The following SLCO1B3 variants were observed in gnomAD, a reference collection of about 807,000 sequenced individuals.
SLCO1B3 encodes liver-specific organic anion transporter 2.
Under a neutral mutation model 71.8 loss-of-function variants are expected in SLCO1B3, and 72 were observed. The ratio of observed to expected loss-of-function variants is 1.00; its 90% CI spans 0.83 to 1.22. The LOEUF is 1.22. Among genes scored for constraint, SLCO1B3 ranks in the 50% most tolerant of loss-of-function variants. The pLI, the probability that SLCO1B3 is intolerant of heterozygous loss-of-function variation, is 0.00. For missense variants in SLCO1B3, 911 were observed against 819.7 expected, an observed-to-expected ratio of 1.11 and a Z score of -1.36; for synonymous variants, 298 against 278.4, an observed-to-expected ratio of 1.07 and a Z score of -0.70.
chr12:20,839,967 A>T (rs890285317), intron 3 of SLCO1B3, among the ~76,000 whole-genome samples: 2 of 152,064 alleles, frequency 1.3e-5, no homozygotes. Flanking sequence ...GGAATTACTT[A>T]TTTCTGCTAC....
At chr12:20,875,802 T>G (rs1024113410) in intron 9 of SLCO1B3, among the ~76,000 whole-genome samples, 1 of 152,136 alleles carries the variant, frequency 6.6e-6, no homozygotes, top group Admixed American at 6.6e-5. Flanking sequence ...ATTATAATTT[T>G]TCATTCATTT....
chr12:20,814,590 A>G (rs545997447), intron 2 of SLCO1B3, among the ~76,000 whole-genome samples: 1 of 152,292 alleles, frequency 6.6e-6, no homozygotes, highest in South Asian at 2.1e-4. Context: ...TTATGTATTT[A>G]ATTAAAAATG....
At chr12:20,849,883 C>A (rs1017548441) in intron 3 of SLCO1B3, among the ~76,000 whole-genome samples, 37 of 151,772 alleles carry the variant, frequency 2.4e-4, no homozygotes, top group African/African-American at 8.4e-4. Flanking sequence ...ACACTGTAAA[C>A]TATAAAACAT....
intron 8 of SLCO1B3, among the ~76,000 whole-genome samples, chr12:20,874,692 C>A (rs1407233734): frequency 1.3e-5 from 2 of 152,152 alleles, no homozygotes; most frequent in Admixed American, 6.6e-5. Flanking sequence ...CTCTTAAACT[C>A]AGATTTTCAT....
chr12:20,845,073 C>A, intron 3 of SLCO1B3: 1 of 372,334 alleles, frequency 2.7e-6, no homozygotes, highest in South Asian at 2.3e-5. Flanking sequence ...CTCTAAGTTT[C>A]AGAGATGGAT....
At chr12:20,891,607 A>G (rs948953189) in intron 13 of SLCO1B3, among the ~76,000 whole-genome samples, 4 of 152,100 alleles carry the variant, frequency 2.6e-5, no homozygotes, top group Admixed American at 2.6e-4. Flanking sequence ...TATTCTTTCA[A>G]ACAAGTTTCC....
At chr12:20,845,198 G>T in intron 3 of SLCO1B3, 1 of 374,718 alleles carries the variant, frequency 2.7e-6, no homozygotes. Context: ...CATGGGAGAA[G>T]CAGATCTACA....
At chr12:20,849,162 AT>A (rs1216935825) in intron 3 of SLCO1B3, among the ~76,000 whole-genome samples, 10 of 152,150 alleles carry the variant, frequency 6.6e-5, no homozygotes, top group Non-Finnish European at 8.8e-5. Context: ...ATATTAAAAA[AT>A]TTTTCAAGAA....
chr12:20,827,985 G>A (rs1055728352), intron 3 of SLCO1B3, among the ~76,000 whole-genome samples: 11 of 152,184 alleles, frequency 7.2e-5, no homozygotes, highest in Non-Finnish European at 1.0e-4. Context: ...AGAGAGTGGT[G>A]TGCTAGAGGG....
chr12:20,892,609 C>G (rs1423635260), intron 13 of SLCO1B3, among the ~76,000 whole-genome samples: 1 of 152,034 alleles, frequency 6.6e-6, no homozygotes, highest in Non-Finnish European at 1.5e-5. Context: ...AAATGTGTAC[C>G]TGTAGTGATG....
intron 15 of SLCO1B3, among the ~76,000 whole-genome samples, chr12:20,902,910 A>T (rs1866157293): frequency 6.6e-6 from 1 of 151,902 alleles, no homozygotes; most frequent in South Asian, 2.1e-4. Flanking sequence ...CTCTAGTAAA[A>T]ATACAAAAAA....
rs775996155 is a variant in SLCO1B3, at chr12:20,904,755, CTTTTTTTTTTTTTTTT to C, written c.1865+3306_1865+3321del. Among the ~76,000 whole-genome samples the C allele has an allele frequency of 5.7e-3, 318 of 56,134 alleles. 8 individuals carry two copies. Among genetic ancestry groups the C allele is most frequent in the Non-Finnish European group, 7.5e-3 (259 of 34,700 alleles). 36.8% of individuals were successfully genotyped at this position (56,134 alleles called of 152,430 possible). On this transcript the variant is annotated intron_variant, in intron 15 of 15. Transcript: ENST00000381545. ...GCAGACTTCTGCCTGGACATCCAGG[CTTTTTTTTTTTTTTTT>C]TTTTTTTTTTTTTTTTTCTTGAGAC...
intron 15 of SLCO1B3, among the ~76,000 whole-genome samples, chr12:20,913,228 C>T (rs1866420888): frequency 1.3e-5 from 2 of 152,102 alleles, no homozygotes; most frequent in East Asian, 1.9e-4. Context: ...TAAGTATCCA[C>T]TTAACATTGT....
At chr12:20,890,307 T>C (rs1865879405) in intron 13 of SLCO1B3, among the ~76,000 whole-genome samples, 1 of 152,184 alleles carries the variant, frequency 6.6e-6, no homozygotes, top group Non-Finnish European at 1.5e-5. Flanking sequence ...CATGTATTTG[T>C]GTAGTATTGA....
intron 3 of SLCO1B3, among the ~76,000 whole-genome samples, chr12:20,840,651 A>C (rs1833564020): frequency 6.6e-6 from 1 of 152,052 alleles, no homozygotes; most frequent in Admixed American, 6.6e-5. Flanking sequence ...TCATCTTCCC[A>C]AAGTGTCAAT....
In SLCO1B3 at chr12:20,898,491, A is replaced by G; in HGVS notation, c.1738A>G (p.Arg580Gly). Reference sequence around the variant, plus strand: ...AATGGGTTTCCAGTCAATGGTTATAAGAACACTAGGTATGACAAATATATA... The same window carrying G: ...AATGGGTTTCCAGTCAATGGTTATAGGAACACTAGGTATGACAAATATATA... ...LAMGFQSMVI[R>G]TLGGILAPIY... The change falls in exon 14 of 16, where the codon AGA becomes GGA. Residue 580 changes from arginine (R) to glycine (G), a missense_variant. Physicochemically the swap from Arg to Gly is moderately radical, Grantham distance 125 (BLOSUM62 -2). Transcript: ENST00000381545. 2 of 1,551,548 alleles carry G rather than the reference A, an allele frequency of 1.3e-6. No homozygotes were observed. Among genetic ancestry groups the G allele is most frequent in the Non-Finnish European group, 1.8e-6 (2 of 1,126,980 alleles).
At chr12:20,859,959 T>C (rs946432426) in intron 5 of SLCO1B3, among the ~76,000 whole-genome samples, 1 of 146,702 alleles carries the variant, frequency 6.8e-6, no homozygotes, top group South Asian at 2.3e-4. Context: ...ATTTCTTTTT[T>C]TTTTTTTTTT....
At chr12:20,908,934 A>G (rs1007150176) in intron 15 of SLCO1B3, among the ~76,000 whole-genome samples, 1 of 152,172 alleles carries the variant, frequency 6.6e-6, no homozygotes, top group Non-Finnish European at 1.5e-5. Flanking sequence ...TATGATAAAA[A>G]TATGTATAGT....
At chr12:20,834,865 G>A (rs1864642180) in intron 3 of SLCO1B3, among the ~76,000 whole-genome samples, 1 of 152,172 alleles carries the variant, frequency 6.6e-6, no homozygotes, top group Non-Finnish European at 1.5e-5. Context: ...ACTAGGCAGT[G>A]CCCCAGTGGG....
Sources: allele counts gnomAD v4.1 joint callset (sites outside exome capture counted in the v4.1 genomes callset), GRCh38; gene constraint gnomAD v4.1.1; transcripts MANE v1.5; gene names NCBI Gene and HGNC (gene_info 2026-07-23, HGNC 2026-07-21).